The following ARHGAP25 variants were observed in gnomAD, a reference collection of about 807,000 sequenced individuals.
ARHGAP25 encodes the protein rho GTPase-activating protein 25.
In ARHGAP25, 34 loss-of-function variants were observed where a neutral mutation model predicts 71.0. The ratio of observed to expected loss-of-function variants is 0.48; its 90% CI spans 0.36 to 0.64. The LOEUF is 0.64. ARHGAP25 is among the 30% of genes least tolerant of loss of function. The pLI is 0.00. For synonymous variants in ARHGAP25, 282 were observed against 296.5 expected, an observed-to-expected ratio of 0.95 and a Z score of 0.50; for missense variants, 706 against 805.1, an observed-to-expected ratio of 0.88 and a Z score of 1.49.
At position 68,726,040 on chromosome 2, in the gene ARHGAP25, C is replaced by T. The variant is rs544276520; in HGVS notation, c.-18+15342C>T. Among the ~76,000 whole-genome samples the T allele has an allele frequency of 1.1e-4, 16 of 152,316 alleles. No homozygotes were observed. In the South Asian group the frequency reaches 2.7e-3, roughly 26 times the overall value. Reference sequence around the variant, plus strand: ...ATCTGACATTTCTTTCACCCCTTCCCGTAGCACTTTTTCTTTTTCTCCACA... The same window carrying T: ...ATCTGACATTTCTTTCACCCCTTCCTGTAGCACTTTTTCTTTTTCTCCACA... On this transcript the variant is annotated intron_variant and NMD_transcript_variant, in intron 2 of 7. Coordinates refer to the ARHGAP25 transcript ENST00000463483.
rs757755362 is a variant in ARHGAP25, at chr2:68,822,709, G to A, written c.1570G>A (p.Ala524Thr). ...GGAAGCCAGTGCACTCTCTTCCCAA[G>A]CCTGTGACTCCAAGGGAGATACTCT... ...GEEASALSSQACDSKGDTLAS... is the reference protein window; with the variant it reads ...GEEASALSSQTCDSKGDTLAS... The change falls in exon 10 of 11, where the codon GCC becomes ACC. Residue 524 changes from alanine (A) to threonine (T), a missense_variant. Physicochemically the swap from Ala to Thr is moderately conservative, Grantham distance 58 (BLOSUM62 0). Coordinates refer to ENST00000409202, the MANE Select transcript of ARHGAP25 (RefSeq NM_001007231.3). The A allele has an allele frequency of 1.2e-6, 2 of 1,614,186 alleles. No homozygotes were observed. The highest frequency in any genetic ancestry group is 8.5e-7 in the Non-Finnish European group (1 of 1,180,040).
At chr2:68,782,406 C>T (rs1421472927) in intron 3 of ARHGAP25, 86 bp downstream of exon 3, 10 of 1,259,634 alleles carry the variant, frequency 7.9e-6, no homozygotes, top group African/African-American at 1.5e-5. Context: ...AAGCTATATT[C>T]GGAGAGTAAT....
Position 68,826,097 on chromosome 2 carries a change from A to AGC in ARHGAP25, c.1847_1848dup (p.Ser617AlafsTer24). On this transcript the variant is annotated frameshift_variant, in exon 11 of 11. Transcript: ENST00000409202. LOFTEE classifies it high-confidence loss of function. ...CTAGAGATCAGCCTCCGCAACATGG[A>AGC]GCGCTCCCGGGAGGATGTTGAGAAG... 1 of 1,614,098 alleles carries AGC rather than the reference A, an allele frequency of 6.2e-7. No individual in the cohort carries two copies. Among genetic ancestry groups the AGC allele is most frequent in the Non-Finnish European group, 8.5e-7 (1 of 1,179,990 alleles).
At chr2:68,748,056 T>C (rs1418385033) in intron 1 of ARHGAP25, among the ~76,000 whole-genome samples, 1 of 152,136 alleles carries the variant, frequency 6.6e-6, no homozygotes, top group Non-Finnish European at 1.5e-5. Flanking sequence ...TCAGTATACT[T>C]AGGATTAAAT....
At chr2:68,783,471 T>C (rs1678500078) in intron 3 of ARHGAP25, among the ~76,000 whole-genome samples, 1 of 151,984 alleles carries the variant, frequency 6.6e-6, no homozygotes, top group South Asian at 2.1e-4. Flanking sequence ...TTTTTGTTTT[T>C]TTTTTTGAGT....
At chr2:68,754,044 A>C (rs1454810192) in intron 1 of ARHGAP25, among the ~76,000 whole-genome samples, 1 of 151,924 alleles carries the variant, frequency 6.6e-6, no homozygotes, top group Non-Finnish European at 1.5e-5. Flanking sequence ...CTGGGACTAC[A>C]GGCGCCCGCC....
intron 4 of ARHGAP25, among the ~76,000 whole-genome samples, chr2:68,790,328 T>G (rs1401667808): frequency 6.6e-6 from 1 of 152,186 alleles, no homozygotes; most frequent in Non-Finnish European, 1.5e-5. Context: ...GATCCCGGAA[T>G]GTGAGGGCAT....
chr2:68,817,708 G>A (rs1376168717), intron 7 of ARHGAP25, among the ~76,000 whole-genome samples, 165 bp from the exon 8 acceptor site: 1 of 152,152 alleles, frequency 6.6e-6, no homozygotes, highest in Admixed American at 6.5e-5. Context: ...TTGGTCTTGG[G>A]TCTTTCAGGA....
At chr2:68,821,505 A>T (rs747473458) in intron 9 of ARHGAP25, among the ~76,000 whole-genome samples, 17 of 152,130 alleles carry the variant, frequency 1.1e-4, no homozygotes, top group Non-Finnish European at 2.2e-4. Flanking sequence ...AGTGGGCTTG[A>T]TGGGTCAGAG....
chr2:68,738,823 G>T (rs894069026), intron 1 of ARHGAP25, among the ~76,000 whole-genome samples: 4 of 98,400 alleles, frequency 4.1e-5, no homozygotes, highest in Admixed American at 1.0e-4. Context: ...TCTGTCTCAA[G>T]AAAAAAAAAA....
At chr2:68,761,986 G>A (rs968412244) in intron 1 of ARHGAP25, among the ~76,000 whole-genome samples, 3 of 152,168 alleles carry the variant, frequency 2.0e-5, no homozygotes, top group Non-Finnish European at 4.4e-5. Flanking sequence ...CAACCCAGGT[G>A]TCCATTGACA....
At chr2:68,714,109 T>A (rs930990624) in intron 2 of ARHGAP25, among the ~76,000 whole-genome samples, 1 of 143,774 alleles carries the variant, frequency 7.0e-6, no homozygotes, top group African/African-American at 2.5e-5. Flanking sequence ...TGAATCCGTC[T>A]GGTCCTTGGC....
At chr2:68,775,027 C>A (rs1253841726) in intron 1 of ARHGAP25, 194 bp from the exon 2 acceptor site, 1 of 1,499,152 alleles carries the variant, frequency 6.7e-7, no homozygotes. Flanking sequence ...TGGCCCTGAC[C>A]GGGAGCTGGC....
chr2:68,787,315 G>A (rs1267482061), intron 3 of ARHGAP25, among the ~76,000 whole-genome samples: 1 of 152,208 alleles, frequency 6.6e-6, no homozygotes, highest in Non-Finnish European at 1.5e-5. Context: ...TTTGAAAGGT[G>A]TTGTGTGGCC....
chr2:68,798,496 AAGAG>A (rs1359720351), intron 4 of ARHGAP25, among the ~76,000 whole-genome samples: 1 of 138,880 alleles, frequency 7.2e-6, no homozygotes, highest in East Asian at 2.1e-4. Context: ...AACAGTGAGA[AAGAG>A]AGAGAAAGAG....
At chr2:68,815,928 T>C (rs748029636) in intron 6 of ARHGAP25, among the ~76,000 whole-genome samples, 16 of 152,162 alleles carry the variant, frequency 1.1e-4, no homozygotes, top group African/African-American at 3.9e-4. Flanking sequence ...AGATATCTTA[T>C]TGTGGTCTTA....
At chr2:68,799,189 A>G (rs1253815159) in intron 4 of ARHGAP25, among the ~76,000 whole-genome samples, 2 of 152,124 alleles carry the variant, frequency 1.3e-5, no homozygotes, top group Non-Finnish European at 2.9e-5. Flanking sequence ...TGCAGAGAGA[A>G]TGTGGAGTCA....
chr2:68,720,525 A>G (rs2104255816), intron 2 of ARHGAP25, among the ~76,000 whole-genome samples: 1 of 152,128 alleles, frequency 6.6e-6, no homozygotes, highest in African/African-American at 2.4e-5. Flanking sequence ...CCTTTTCTTC[A>G]CCTTCCTGAT....
At chr2:68,742,793 C>T (rs1472138687) in intron 1 of ARHGAP25, among the ~76,000 whole-genome samples, 2 of 152,190 alleles carry the variant, frequency 1.3e-5, no homozygotes, top group South Asian at 4.1e-4. Context: ...TATCTCCTTT[C>T]CTGCCCAGTG....
Sources: gnomAD v4.1 joint callset for allele counts (sites outside exome capture counted in the v4.1 genomes callset) on GRCh38, gnomAD v4.1.1 for gene constraint, MANE v1.5 for transcripts, NCBI Gene and HGNC (gene_info 2026-07-23, HGNC 2026-07-21) for gene names.